SVIL: variants seen among roughly 807,000 people sequenced by gnomAD.
SVIL encodes the protein archvillin.
Under a neutral mutation model 240.4 loss-of-function variants are expected in SVIL, and 101 were observed. The observed-to-expected ratio is 0.42, with a 90% CI of 0.36 to 0.50. The LOEUF is 0.50. SVIL is among the 20% of genes least tolerant of loss of function. The pLI, the probability that SVIL is intolerant of heterozygous loss-of-function variation, is 0.01. For missense variants in SVIL, 2,512 were observed against 2,818.7 expected, an observed-to-expected ratio of 0.89 and a Z score of 2.46; for synonymous variants, 999 against 1,100.0, an observed-to-expected ratio of 0.91 and a Z score of 1.82.
chr10:29,683,531 A>G (rs1420251972), intron 2 of SVIL, among the ~76,000 whole-genome samples: 1 of 152,182 alleles, frequency 6.6e-6, no homozygotes, highest in East Asian at 1.9e-4. Flanking sequence ...ATTCAGGTTA[A>G]TTTTGGAATG....
intron 1 of SVIL, among the ~76,000 whole-genome samples, chr10:29,732,835 C>T (rs111731046): frequency 3.9e-5 from 6 of 151,932 alleles, no homozygotes; most frequent in African/African-American, 1.4e-4. Context: ...TCCTTTTCAC[C>T]AGTTCATTTG....
chr10:29,532,878 C>A lies in SVIL; in HGVS notation c.1489G>T (p.Ala497Ser), dbSNP rs771349627. The A allele has an allele frequency of 1.1e-5, 17 of 1,613,992 alleles. No homozygotes were observed. The highest frequency in any genetic ancestry group is 1.4e-5 in the Non-Finnish European group (17 of 1,180,030). ...TGGTGCGGAGCTTGAGGGGGTTGTG[C>A]CACGTTTTCCAGTTCCTTCTGATGC... Reference protein sequence around the residue: ...LEHQKELENVAQPPQAPHQPT... With the variant: ...LEHQKELENVSQPPQAPHQPT... Residue 497 changes from alanine to serine, a missense_variant, in exon 8 of 38, where the codon GCA (alanine) becomes TCA (serine). By Grantham distance (99) the Ala-to-Ser change is moderately conservative. This residue lies in a region of SVIL where 1,443 missense variants were observed against 1,486.6 expected (regional missense o/e 0.97). Transcript: ENST00000355867.
At chr10:29,570,212 G>A (rs1013986014) in intron 1 of SVIL, among the ~76,000 whole-genome samples, 3 of 152,140 alleles carry the variant, frequency 2.0e-5, no homozygotes, top group Non-Finnish European at 2.9e-5. Context: ...TAAAATGAAA[G>A]GTATAATGCC....
intron 1 of SVIL, among the ~76,000 whole-genome samples, chr10:29,617,693 C>T (rs1298715389): frequency 6.6e-6 from 1 of 152,118 alleles, no homozygotes; most frequent in African/African-American, 2.4e-5. Flanking sequence ...AGCATCCTTA[C>T]GAGGTGACAG....
At chr10:29,723,619 A>C in intron 1 of SVIL, among the ~76,000 whole-genome samples, 1 of 152,120 alleles carries the variant, frequency 6.6e-6, no homozygotes, top group East Asian at 1.9e-4. Flanking sequence ...ATCTTGAGAG[A>C]GGAAACTTCT....
chr10:29,610,208 C>T (rs771931257), intron 1 of SVIL, among the ~76,000 whole-genome samples: 2 of 152,154 alleles, frequency 1.3e-5, no homozygotes, highest in Non-Finnish European at 2.9e-5. Context: ...TCTTCCCTCA[C>T]GCCCCACCCT....
At chr10:29,543,748 T>C (rs1952379194) in intron 6 of SVIL, among the ~76,000 whole-genome samples, 1 of 152,078 alleles carries the variant, frequency 6.6e-6, no homozygotes, top group Admixed American at 6.6e-5. Flanking sequence ...AGAAATCTGA[T>C]CTAAATACAT....
intron 1 of SVIL, among the ~76,000 whole-genome samples, chr10:29,731,972 T>C (rs1964647833): frequency 6.6e-6 from 1 of 152,240 alleles, no homozygotes. Context: ...TTCCGTACAA[T>C]GGAAGCGACG....
intron 1 of SVIL, among the ~76,000 whole-genome samples, chr10:29,591,919 T>G (rs751397870): frequency 4.6e-5 from 7 of 152,358 alleles, no homozygotes; most frequent in South Asian, 4.1e-4. Flanking sequence ...GTACCTTACA[T>G]GGTTCTGGGT....
intron 2 of SVIL, among the ~76,000 whole-genome samples, chr10:29,669,815 T>A (rs139066324): frequency 5.3e-5 from 8 of 152,314 alleles, no homozygotes; most frequent in African/African-American, 1.9e-4. Context: ...AGTGACATGA[T>A]TTAAGATAAA....
chr10:29,560,989 T>C (rs113640012), intron 3 of SVIL, among the ~76,000 whole-genome samples: 3,199 of 151,936 alleles, frequency 0.021, 92 homozygotes, highest in African/African-American at 0.07. Context: ...GCCCAGCTAA[T>C]TTTTTGTATT....
intron 3 of SVIL, among the ~76,000 whole-genome samples, chr10:29,648,815 G>GAAAA (rs112459712): frequency 7.0e-6 from 1 of 143,480 alleles, no homozygotes; most frequent in Non-Finnish European, 1.5e-5. Flanking sequence ...GGACAGCTGG[G>GAAAA]AAAAAAAAAA....
chr10:29,587,414 C>T (rs1956214780), intron 1 of SVIL, among the ~76,000 whole-genome samples: 1 of 152,244 alleles, frequency 6.6e-6, no homozygotes, highest in Non-Finnish European at 1.5e-5. Context: ...GCTTACAGGT[C>T]ACCACTGCAC....
chr10:29,463,553 G>T lies in SVIL; in HGVS notation c.6216C>A (p.Ala2072=), dbSNP rs201908604. The T allele has an allele frequency of 6.2e-7, 1 of 1,614,164 alleles. No homozygotes were observed. The highest frequency in any genetic ancestry group is 2.2e-5 in the East Asian group (1 of 44,870). The change falls in exon 35 of 38, where the codon GCC becomes GCA. Residue 2072 remains alanine (A), a synonymous_variant. Coordinates refer to ENST00000355867, the MANE Select transcript of SVIL (RefSeq NM_021738.3). ...TCCGGTCGGAGGCCCAGCGGATGCGGGCGGAACCAGTGATCTTGTTCTCGA... is the reference window on the plus strand; with the variant it reads ...TCCGGTCGGAGGCCCAGCGGATGCGTGCGGAACCAGTGATCTTGTTCTCGA... ...WPIENKITGS[A]RIRWASDRKS...
At chr10:29,727,901 G>A (rs75239991) in intron 1 of SVIL, among the ~76,000 whole-genome samples, 2,659 of 152,228 alleles carry the variant, frequency 0.017, 37 homozygotes, top group East Asian at 0.063. Flanking sequence ...TCAAGGCAGG[G>A]CGAGAACCTC....
At chr10:29,598,738 A>C (rs1408264132) in intron 1 of SVIL, among the ~76,000 whole-genome samples, 1 of 152,240 alleles carries the variant, frequency 6.6e-6, no homozygotes, top group Non-Finnish European at 1.5e-5. Context: ...AATGGGCATC[A>C]AAGGGCCTCC....
chr10:29,692,607 T>TAA (rs1302057774), intron 1 of SVIL, among the ~76,000 whole-genome samples: 1 of 150,596 alleles, frequency 6.6e-6, no homozygotes, highest in Non-Finnish European at 1.5e-5. Flanking sequence ...TATATATATA[T>TAA]AACAATACAT....
chr10:29,539,583 G>A lies in SVIL; in HGVS notation c.828-3514C>T, dbSNP rs73596043. The stretch of plus-strand genomic sequence containing the variant: ...TAAATCAGACACCAACAGTGAACAC[G>A]CTGTCCTGGGCGCTGTGTAGCAATG... On this transcript the variant is annotated intron_variant, in intron 6 of 37. Transcript: ENST00000355867. Among the ~76,000 whole-genome samples the A allele has an allele frequency of 2.9e-3, 449 of 152,264 alleles. 3 individuals are homozygous for A. The highest frequency in any genetic ancestry group is 9.6e-3 in the African/African-American group (399 of 41,542).
At chr10:29,711,275 C>T (rs566795339) in intron 1 of SVIL, among the ~76,000 whole-genome samples, 1 of 152,226 alleles carries the variant, frequency 6.6e-6, no homozygotes, top group Admixed American at 6.5e-5. Context: ...TGACGCACGC[C>T]GGTGGTCCCA....
Sources: allele counts gnomAD v4.1 joint callset (sites outside exome capture counted in the v4.1 genomes callset), GRCh38; gene constraint gnomAD v4.1.1; regional missense constraint gnomAD v4.1.1; transcripts MANE v1.5; gene names NCBI Gene and HGNC (gene_info 2026-07-23, HGNC 2026-07-21).